The following CD163L1 variants were observed in gnomAD, a reference collection of about 807,000 sequenced individuals.
The protein encoded by CD163L1 is CD163 molecule like 1.
In CD163L1, 124 loss-of-function variants were observed where a neutral mutation model predicts 165.4. The ratio of observed to expected loss-of-function variants is 0.75; its 90% CI spans 0.65 to 0.87. The LOEUF (loss-of-function observed/expected upper bound fraction) is 0.87, where lower values mean the gene tolerates loss of function less well. Among genes scored for constraint, CD163L1 ranks in the 40% least tolerant of loss-of-function variants. The probability of loss-of-function intolerance (pLI) is 0.00; values close to 1 mark genes in which losing one functional copy is unlikely to be tolerated. For missense variants in CD163L1, 1,525 were observed against 1,799.9 expected, an observed-to-expected ratio of 0.85 and a Z score of 2.76; for synonymous variants, 585 against 662.2, an observed-to-expected ratio of 0.88 and a Z score of 1.79.
At chr12:7,376,057 A>G (rs1189366344) in intron 9 of CD163L1, 43 bp from the exon 10 acceptor site, 2 of 1,551,216 alleles carry the variant, frequency 1.3e-6, no homozygotes, top group Non-Finnish European at 1.7e-6. Context: ...GGGTTTTCCA[A>G]TATCTATCCC....
chr12:7,440,006 C>G, intron 2 of CD163L1: 1 of 1,508,326 alleles, frequency 6.6e-7, no homozygotes. Flanking sequence ...GCTCCGCAAA[C>G]CGCCGAGGAA....
At chr12:7,433,729 C>A in intron 2 of CD163L1, 35 bp from the exon 3 acceptor site, 1 of 1,494,626 alleles carries the variant, frequency 6.7e-7, no homozygotes, top group South Asian at 1.3e-5. Context: ...TTAGAGATGG[C>A]AAAGATTAGA....
chr12:7,375,838 A>G lies in CD163L1; in HGVS notation c.2548T>C (p.Phe850Leu), dbSNP rs1565781227. The G allele has an allele frequency of 6.2e-7, 1 of 1,614,214 alleles. No individual in the cohort carries two copies. The highest frequency in any genetic ancestry group is 1.1e-5 in the South Asian group (1 of 91,086). ...DAISLSVGDH[F>L]GKGNGLTWAE... Reference sequence around the variant, plus strand: ...CAAGTTAGACCATTCCCTTTTCCAAAGTGATCTCCCACAGAAAGAGATATG... The same window carrying G: ...CAAGTTAGACCATTCCCTTTTCCAAGGTGATCTCCCACAGAAAGAGATATG... The change falls in exon 10 of 20, where the codon TTT (phenylalanine) becomes CTT (leucine). Residue 850 changes from phenylalanine to leucine, a missense_variant. Phe to Leu is a conservative substitution (Grantham distance 22, BLOSUM62 0). Coordinates refer to ENST00000313599, the MANE Select transcript of CD163L1 (RefSeq NM_174941.6).
the CD163L1 span, among the ~76,000 whole-genome samples, chr12:7,318,970 CG>C: frequency 6.6e-6 from 1 of 152,030 alleles, no homozygotes; most frequent in South Asian, 2.1e-4. Flanking sequence ...CTAGGGGGAG[CG>C]GGGAGATAAT....
At chr12:7,397,332 T>A (rs1947798329) in intron 7 of CD163L1, among the ~76,000 whole-genome samples, 1 of 152,088 alleles carries the variant, frequency 6.6e-6, no homozygotes, top group African/African-American at 2.4e-5. Flanking sequence ...GACCTGCAAG[T>A]TTTGATGTCT....
At chr12:7,388,347 G>GA (rs1947565569) in intron 8 of CD163L1, among the ~76,000 whole-genome samples, 3 of 152,182 alleles carry the variant, frequency 2.0e-5, no homozygotes, top group African/African-American at 7.2e-5. Flanking sequence ...TTGAATAGGA[G>GA]AAAGTATTTG....
the CD163L1 span, among the ~76,000 whole-genome samples, chr12:7,333,231 T>C: frequency 6.6e-6 from 1 of 152,206 alleles, no homozygotes; most frequent in East Asian, 1.9e-4. Flanking sequence ...ATTGACCGCA[T>C]AGTTGGAAGT....
the CD163L1 span, among the ~76,000 whole-genome samples, chr12:7,325,555 G>A: frequency 6.6e-6 from 1 of 152,160 alleles, no homozygotes; most frequent in Non-Finnish European, 1.5e-5. Flanking sequence ...GCTGAGGCAG[G>A]AGAACTGCTT....
the CD163L1 span, chr12:7,326,893 A>G: frequency 7.1e-7 from 1 of 1,402,914 alleles, no homozygotes; most frequent in Non-Finnish European, 9.5e-7. Flanking sequence ...ATAAATAGTA[A>G]GCACCTGTGT....
rs763025188 is a variant in CD163L1 at position 7,396,140 on chromosome 12, T to G, written c.2005A>C (p.Asn669His). ...TCTTCACTGTGACTGCAGTCATTAT[T>G]TCCCCACCCACTGTTCCTGCATGAC... Reference protein sequence around the residue: ...LWSCRNSGWGNNDCSHSEDVG... With the variant: ...LWSCRNSGWGHNDCSHSEDVG... The change falls in exon 8 of 20, where the codon AAT becomes CAT. Residue 669 changes from asparagine (N) to histidine (H), a missense_variant. By Grantham distance (68) the Asn-to-His change is moderately conservative (BLOSUM62 1). Transcript: ENST00000313599. 3 of 1,613,994 alleles carry G rather than the reference T, an allele frequency of 1.9e-6. No homozygotes were observed. The African/African-American group carries it at 4.0e-5, about 22-fold the overall frequency.
At chr12:7,377,630 T>A (rs748427614) in intron 9 of CD163L1, among the ~76,000 whole-genome samples, 7 of 152,200 alleles carry the variant, frequency 4.6e-5, no homozygotes, top group Non-Finnish European at 8.8e-5. Flanking sequence ...TTAAATTTAT[T>A]CATGACTTCT....
At chr12:7,324,904 G>C in the CD163L1 span, among the ~76,000 whole-genome samples, 14 of 151,126 alleles carry the variant, frequency 9.3e-5, no homozygotes, top group East Asian at 2.1e-3. Context: ...AAAGGTTCAT[G>C]TGAGGTTGGC....
chr12:7,328,119 C>T, the CD163L1 span, among the ~76,000 whole-genome samples: 2 of 152,172 alleles, frequency 1.3e-5, no homozygotes, highest in Non-Finnish European at 2.9e-5. Flanking sequence ...CACTATCACC[C>T]TTCCTACATA....
intron 8 of CD163L1, among the ~76,000 whole-genome samples, chr12:7,393,324 CAT>C (rs1340338646): frequency 6.6e-6 from 1 of 152,172 alleles, no homozygotes; most frequent in Non-Finnish European, 1.5e-5. Flanking sequence ...ACAAAAACCA[CAT>C]GATTATCTCA....
At chr12:7,436,847 A>G (rs1289239239) in intron 2 of CD163L1, among the ~76,000 whole-genome samples, 1 of 152,110 alleles carries the variant, frequency 6.6e-6, no homozygotes, top group East Asian at 1.9e-4. Flanking sequence ...TTACTGAAAT[A>G]CAAAGCAATT....
At chr12:7,414,748 C>CTA (rs1424900039) in intron 4 of CD163L1, among the ~76,000 whole-genome samples, 2 of 151,990 alleles carry the variant, frequency 1.3e-5, no homozygotes, top group African/African-American at 4.8e-5. Flanking sequence ...TCCCATAGAG[C>CTA]TATCAATGAA....
intron 18 of CD163L1, among the ~76,000 whole-genome samples, chr12:7,361,678 A>G (rs1946895052): frequency 6.6e-6 from 1 of 152,154 alleles, no homozygotes; most frequent in African/African-American, 2.4e-5. Context: ...TCCAGGAAGA[A>G]AAAAACACAA....
rs781053399 is a variant in CD163L1 at position 7,432,507 on chromosome 12, C to T, written c.675G>A (p.Gln225=). 1.9e-6 allele frequency: 3 copies of T among 1,614,114 alleles called. No homozygotes were observed. The highest frequency in any genetic ancestry group is 1.7e-6 in the Non-Finnish European group (2 of 1,179,980). ...RPIWLDDILC[Q]GNELALWNCR... is the part of the protein sequence containing the mutation. ...AATTCCAGAGTGCCAACTCATTCCC[C>T]TGGCATAAAATGTCATCCAGCCAAA... The change falls in exon 4 of 20, where the codon CAG becomes CAA. Residue 225 remains glutamine (Q), a synonymous_variant. Transcript: ENST00000313599. The surrounding 1 kb of genome is among the most constrained non-coding windows in gnomAD (Gnocchi z 4.2).
In CD163L1 at chr12:7,400,343, A is replaced by G. The variant is rs1947893186; in HGVS notation, c.1409-1759T>C. On this transcript the variant is annotated intron_variant, in intron 6 of 19. Transcript: ENST00000313599. This position sits in a 1 kb window ranked among gnomAD's most constrained non-coding sequence, Gnocchi z 4.1. ...TATGACGCATGTATATATAATATGT[A>G]TCATTTCCAGATATACTAAATAAAA... 6.6e-6 allele frequency among the ~76,000 whole-genome samples: 1 copy of G among 152,214 alleles called. No homozygotes were observed. Among genetic ancestry groups the G allele is most frequent in the Admixed American group, 6.5e-5 (1 of 15,274 alleles).
Sources: allele counts gnomAD v4.1 joint callset (sites outside exome capture counted in the v4.1 genomes callset), GRCh38; gene constraint gnomAD v4.1.1; non-coding constraint Gnocchi (gnomAD v3.1); transcripts MANE v1.5; gene names NCBI Gene and HGNC (gene_info 2026-07-23, HGNC 2026-07-21).